The following TPD52L2 variants were observed in gnomAD, a reference collection of about 807,000 sequenced individuals.
TPD52L2 encodes the protein tumor protein D54.
Under a neutral mutation model 24.7 loss-of-function variants are expected in TPD52L2, and 19 were observed. That is an observed-to-expected ratio of 0.77 (90% CI 0.54 to 1.13). The LOEUF (loss-of-function observed/expected upper bound fraction) is 1.13, where lower values mean the gene tolerates loss of function less well. Ranked by LOEUF, TPD52L2 falls within the 50% of genes most tolerant of loss-of-function variation. The pLI is 0.00. For missense variants in TPD52L2, 236 were observed against 250.4 expected (o/e 0.94, Z 0.39); for synonymous variants, 104 against 100.2 (o/e 1.04, Z -0.23).
chr20:63,887,770 G>A (rs2053188735), intron 5 of TPD52L2: 1 of 689,580 alleles, frequency 1.5e-6, no homozygotes, highest in Middle Eastern at 3.9e-4. Context: ...ACCCCCTCTA[G>A]GCTGACGAGG....
At chr20:63,873,120 G>A (rs1051125582) in intron 2 of TPD52L2, among the ~76,000 whole-genome samples, 1 of 148,980 alleles carries the variant, frequency 6.7e-6, no homozygotes, top group African/African-American at 2.5e-5. Context: ...ATGGTGATTG[G>A]TAGCTCTCCC....
chr20:63,886,230 G>A (rs758139681), intron 5 of TPD52L2, among the ~76,000 whole-genome samples: 56 of 152,288 alleles, frequency 3.7e-4, no homozygotes, highest in Non-Finnish European at 4.7e-4. Context: ...TGGGATCGAC[G>A]CAGAGGCCCC....
At chr20:63,881,259 G>A (rs938198754) in intron 4 of TPD52L2, among the ~76,000 whole-genome samples, 1 of 152,150 alleles carries the variant, frequency 6.6e-6, no homozygotes, top group Non-Finnish European at 1.5e-5. Flanking sequence ...TACTTGGGAC[G>A]CTGAGGCAGG....
At chr20:63,884,155 C>T (rs2053009181) in intron 5 of TPD52L2, among the ~76,000 whole-genome samples, 2 of 152,198 alleles carry the variant, frequency 1.3e-5, no homozygotes, top group African/African-American at 2.4e-5. Context: ...TCTGTGCACC[C>T]TCACACGCCC....
chr20:63,865,378 G>T lies in TPD52L2; in HGVS notation c.13G>T (p.Gly5Cys), dbSNP rs938244714. The T allele has an allele frequency of 1.3e-6, 2 of 1,529,948 alleles. No individual in the cohort carries two copies. The highest frequency in any genetic ancestry group is 2.8e-5 in the African/African-American group (2 of 71,926). 94.8% of individuals were successfully genotyped at this position (1,529,948 alleles called of 1,614,324 possible). A position where few individuals can be genotyped will look rare whatever the true frequency, so the allele number is the denominator to read the frequency against. MDSA[G>C]QDINLNSPNK... is the part of the protein sequence containing the mutation. ...ACGCCGCCCGAACATGGACTCCGCC[G>T]GCCAAGGTACCTGCCGGGCCCGGCC... Residue 5 changes from glycine (G) to cysteine (C), a missense_variant, in exon 1 of 7, where the codon GGC becomes TGC. Physicochemically the swap from Gly to Cys is radical, Grantham distance 159 (BLOSUM62 -3). Transcript: ENST00000346249.
chr20:63,874,571 G>C (rs765000548), intron 3 of TPD52L2, among the ~76,000 whole-genome samples: 2 of 151,906 alleles, frequency 1.3e-5, no homozygotes, highest in Non-Finnish European at 2.9e-5. Flanking sequence ...ACAGGGTCTT[G>C]CTTTGCTACC....
At chr20:63,884,607 T>C (rs534413324) in intron 5 of TPD52L2, among the ~76,000 whole-genome samples, 5 of 152,326 alleles carry the variant, frequency 3.3e-5, no homozygotes, top group South Asian at 2.1e-4. Flanking sequence ...TGCTCCTCCT[T>C]CTCTGATGGG....
intron 5 of TPD52L2, chr20:63,887,134 G>A (rs932550444): frequency 6.1e-5 from 18 of 295,132 alleles, no homozygotes; most frequent in East Asian, 3.3e-4. Flanking sequence ...CCGGGGCGCC[G>A]CCAGCACGTG....
chr20:63,888,197 T>A (rs1176932215), intron 5 of TPD52L2: 1 of 156,146 alleles, frequency 6.4e-6, no homozygotes, highest in African/African-American at 2.4e-5. Flanking sequence ...CGTGCTGGCC[T>A]CTAGAGTCCC....
intron 3 of TPD52L2, among the ~76,000 whole-genome samples, chr20:63,875,141 C>CA (rs869224477): frequency 1.1e-3 from 144 of 131,852 alleles, no homozygotes; most frequent in African/African-American, 2.5e-3. Context: ...GACTCTGTCT[C>CA]AAAAAAAAAA....
At position 63,872,425 on chromosome 20, in the gene TPD52L2, T is replaced by C. The variant is rs149416921; in HGVS notation, c.166-1243T>C. On this transcript the variant is annotated intron_variant, in intron 2 of 6. Coordinates refer to ENST00000346249, the MANE Select transcript of TPD52L2 (RefSeq NM_003288.4). ...AACAGTCTCGGTCTGTCACCTAGGC[T>C]GGAGTGCAGTGGCATGATCTCGGCT... Among the ~76,000 whole-genome samples the C allele has an allele frequency of 9.5e-4, 144 of 152,276 alleles. 1 individual carries two copies. The highest frequency in any genetic ancestry group is 3.2e-3 in the African/African-American group (132 of 41,570).
intron 4 of TPD52L2, among the ~76,000 whole-genome samples, chr20:63,878,258 C>A (rs1297633840): frequency 6.6e-6 from 1 of 152,258 alleles, no homozygotes; most frequent in Non-Finnish European, 1.5e-5. Flanking sequence ...AGCACTGGTG[C>A]CTGGCCCCAT....
intron 5 of TPD52L2, among the ~76,000 whole-genome samples, chr20:63,883,599 C>T (rs921908650): frequency 6.6e-5 from 10 of 152,142 alleles, no homozygotes; most frequent in Non-Finnish European, 1.5e-5. Flanking sequence ...GTGCTGCTGC[C>T]CACCCTGCCC....
At chr20:63,884,051 G>A (rs916085307) in intron 5 of TPD52L2, among the ~76,000 whole-genome samples, 1 of 152,102 alleles carries the variant, frequency 6.6e-6, no homozygotes, top group African/African-American at 2.4e-5. Context: ...GTTTTTTTGA[G>A]GTAATCTACC....
intron 5 of TPD52L2, among the ~76,000 whole-genome samples, chr20:63,885,764 G>A (rs2053069326): frequency 6.6e-6 from 1 of 152,266 alleles, no homozygotes; most frequent in South Asian, 2.1e-4. Context: ...ACAGCCGTGA[G>A]GCTGAGCAGT....
At chr20:63,873,228 G>A (rs894245562) in intron 2 of TPD52L2, among the ~76,000 whole-genome samples, 1 of 151,876 alleles carries the variant, frequency 6.6e-6, no homozygotes, top group East Asian at 2.0e-4. Flanking sequence ...GGTGGCTCAC[G>A]CCTGTAATCC....
chr20:63,873,533 G>T, intron 2 of TPD52L2, 135 bp from the exon 3 acceptor site: 1 of 941,816 alleles, frequency 1.1e-6, no homozygotes, highest in Non-Finnish European at 1.6e-6. Flanking sequence ...GTCTGCTGTA[G>T]ATGCTGTTAT....
rs573239723 is a variant in TPD52L2 at position 63,877,086 on chromosome 20, C to T, written c.374+1211C>T. On this transcript the variant is annotated intron_variant, in intron 4 of 6. Coordinates refer to ENST00000346249, the MANE Select transcript of TPD52L2 (RefSeq NM_003288.4). This position sits in a 1 kb window ranked among gnomAD's most constrained non-coding sequence, Gnocchi z 4.1. ...TGTCTCCCAGGCTGGAGTGCAGTGG[C>T]GCCATCTGGGCTCACTGCAAGCTCC... The T allele has an allele frequency of 2.1e-5, 9 of 420,158 alleles. No individual in the cohort carries two copies. The East Asian group carries it at 3.5e-4, about 16-fold the overall frequency. The allele number at this position is 420,158 out of a possible 1,614,324, so 26.0% of individuals were successfully genotyped here. A position where few individuals can be genotyped will look rare whatever the true frequency, so the allele number is the denominator to read the frequency against.
intron 1 of TPD52L2, among the ~76,000 whole-genome samples, chr20:63,868,653 T>A (rs972935627): frequency 3.0e-4 from 46 of 152,140 alleles, no homozygotes; most frequent in African/African-American, 9.6e-4. Flanking sequence ...TTAAAAAAAG[T>A]GGAAATTTGT....
Sources: gnomAD v4.1 joint callset for allele counts (sites outside exome capture counted in the v4.1 genomes callset) on GRCh38, gnomAD v4.1.1 for gene constraint, Gnocchi (gnomAD v3.1) non-coding constraint, MANE v1.5 for transcripts, NCBI Gene and HGNC (gene_info 2026-07-23, HGNC 2026-07-21) for gene names.